Variants in TMC1 observed in about 807,000 individuals in gnomAD.
The protein encoded by TMC1 is transmembrane channel like 1, also known as transmembrane channel-like protein 1.
Under a neutral mutation model 105.8 loss-of-function variants are expected in TMC1, and 84 were observed. The observed-to-expected ratio is 0.79, with a 90% CI of 0.67 to 0.95. The LOEUF (loss-of-function observed/expected upper bound fraction) is 0.95, where lower values mean the gene tolerates loss of function less well. Among genes scored for constraint, TMC1 ranks in the 40% least tolerant of loss-of-function variants. The probability of loss-of-function intolerance (pLI) is 0.00; values close to 1 mark genes in which losing one functional copy is unlikely to be tolerated. For missense variants in TMC1, 817 were observed against 914.1 expected, an observed-to-expected ratio of 0.89 and a Z score of 1.37; for synonymous variants, 315 against 311.5, an observed-to-expected ratio of 1.01 and a Z score of -0.12.
At position 72,827,381 on chromosome 9, in the gene TMC1, A is replaced by G. The variant is rs1262848612; in HGVS notation, c.2129+387A>G. ...AAAGCAGATGGCAATGAATATACAG[A>G]AATAATGATCCTCTAAGTTAATATT... On this transcript the variant is annotated intron_variant, in intron 21 of 23. Transcript: ENST00000297784. Among the ~76,000 whole-genome samples the G allele has an allele frequency of 2.0e-5, 3 of 152,240 alleles. No homozygotes were observed. In the East Asian group the frequency reaches 5.8e-4, roughly 29 times the overall value.
chr9:72,535,791 C>G (rs1342356364), intron 1 of TMC1, among the ~76,000 whole-genome samples: 4 of 152,176 alleles, frequency 2.6e-5, no homozygotes, highest in Non-Finnish European at 5.9e-5. Flanking sequence ...GTGTGGAAAT[C>G]ATAGGGCAAG....
chr9:72,544,109 C>G (rs970637706), intron 1 of TMC1, among the ~76,000 whole-genome samples: 2 of 151,932 alleles, frequency 1.3e-5, no homozygotes, highest in Non-Finnish European at 2.9e-5. Context: ...TGCCACCACA[C>G]CTCAATAATT....
chr9:72,795,138 C>T (rs1462292581), intron 17 of TMC1, among the ~76,000 whole-genome samples: 1 of 152,086 alleles, frequency 6.6e-6, no homozygotes, highest in African/African-American at 2.4e-5. Context: ...ATGTAAATGC[C>T]AAAGCTATGA....
chr9:72,549,222 A>G (rs5025944), intron 1 of TMC1, among the ~76,000 whole-genome samples: 79,649 of 151,968 alleles, frequency 0.52, 21,817 homozygotes, highest in African/African-American at 0.69. Flanking sequence ...ATTATATTTC[A>G]TTAAATAATT....
chr9:72,548,718 G>T (rs1823812426), intron 1 of TMC1, among the ~76,000 whole-genome samples: 1 of 152,140 alleles, frequency 6.6e-6, no homozygotes, highest in Non-Finnish European at 1.5e-5. Flanking sequence ...TGCTGCAGTG[G>T]CTCACGCCTG....
chr9:72,593,978 C>T (rs368132183), intron 2 of TMC1, among the ~76,000 whole-genome samples: 6 of 152,000 alleles, frequency 3.9e-5, no homozygotes, highest in East Asian at 1.9e-4. Flanking sequence ...GCATCTATGA[C>T]GGGGAGAGGT....
At chr9:72,590,727 A>G (rs922708578) in intron 2 of TMC1, among the ~76,000 whole-genome samples, 1 of 152,186 alleles carries the variant, frequency 6.6e-6, no homozygotes, top group Non-Finnish European at 1.5e-5. Context: ...ATGAGTCACA[A>G]AGGGGAGGTA....
chr9:72,734,601 T>C lies in TMC1; in HGVS notation c.363-5518T>C, dbSNP rs1404218914. ...GTACCTTCGAGTAGCTTCTTACCTCTGTAACTCACTCCCACAGTAATATTT... is the reference window on the plus strand; with the variant it reads ...GTACCTTCGAGTAGCTTCTTACCTCCGTAACTCACTCCCACAGTAATATTT... On this transcript the variant is annotated intron_variant, in intron 8 of 23. Coordinates refer to ENST00000297784, the MANE Select transcript of TMC1 (RefSeq NM_138691.3). Among the ~76,000 whole-genome samples, 3 of 152,198 alleles carry C rather than the reference T, an allele frequency of 2.0e-5. No individual in the cohort carries two copies. The East Asian group carries it at 5.8e-4, about 29-fold the overall frequency.
intron 1 of TMC1, among the ~76,000 whole-genome samples, chr9:72,557,756 T>G (rs754770490): frequency 1.3e-5 from 2 of 152,158 alleles, no homozygotes; most frequent in Non-Finnish European, 2.9e-5. Flanking sequence ...ATTCAAGATT[T>G]TCACTGAGTC....
intron 1 of TMC1, among the ~76,000 whole-genome samples, chr9:72,577,377 G>C (rs80238591): frequency 0.084 from 12,743 of 152,218 alleles, 696 homozygotes; most frequent in Non-Finnish European, 0.13. Flanking sequence ...GGGACGGGTG[G>C]AGCAAAGGAA....
chr9:72,665,434 A>G (rs967164487), intron 5 of TMC1, among the ~76,000 whole-genome samples: 4 of 152,256 alleles, frequency 2.6e-5, no homozygotes, highest in Admixed American at 1.3e-4. Flanking sequence ...ACTCAAAGCC[A>G]TAACTTAAGG....
At chr9:72,749,194 T>A (rs1827539074) in intron 10 of TMC1, among the ~76,000 whole-genome samples, 3 of 152,158 alleles carry the variant, frequency 2.0e-5, no homozygotes, top group African/African-American at 7.2e-5. Context: ...TGTGTGTAGG[T>A]GCTGAGAGGA....
At chr9:72,688,844 A>G in intron 6 of TMC1, 88 bp downstream of exon 6, 1 of 1,114,324 alleles carries the variant, frequency 9.0e-7, no homozygotes, top group Non-Finnish European at 1.3e-6. Context: ...TTGAGCTACC[A>G]TATGTAAGCA....
At chr9:72,807,339 A>G (rs1010902857) in intron 18 of TMC1, among the ~76,000 whole-genome samples, 2 of 152,248 alleles carry the variant, frequency 1.3e-5, no homozygotes, top group African/African-American at 4.8e-5. Flanking sequence ...CACACACTAT[A>G]TAAGAGAAAG....
chr9:72,534,545 A>G (rs1823547358), intron 1 of TMC1, among the ~76,000 whole-genome samples: 2 of 152,230 alleles, frequency 1.3e-5, no homozygotes, highest in Non-Finnish European at 2.9e-5. Context: ...TGTAGATTAT[A>G]TAACTTCTAA....
chr9:72,555,628 T>G (rs1174076618), intron 1 of TMC1, among the ~76,000 whole-genome samples: 1 of 151,662 alleles, frequency 6.6e-6, no homozygotes, highest in African/African-American at 2.4e-5. Context: ...TGGACTTAAC[T>G]CTTTTTTTTT....
At chr9:72,747,017 A>G (rs910375883) in intron 10 of TMC1, among the ~76,000 whole-genome samples, 7 of 152,214 alleles carry the variant, frequency 4.6e-5, no homozygotes, top group Non-Finnish European at 1.0e-4. Context: ...TATTAAGACC[A>G]TAAATTAAAT....
At chr9:72,590,891 C>G (rs1011868268) in intron 2 of TMC1, among the ~76,000 whole-genome samples, 1 of 152,190 alleles carries the variant, frequency 6.6e-6, no homozygotes, top group Non-Finnish European at 1.5e-5. Flanking sequence ...GGCCCTACCC[C>G]ACTCTTACCT....
chr9:72,676,370 C>T (rs1826202225), intron 5 of TMC1, among the ~76,000 whole-genome samples: 1 of 152,046 alleles, frequency 6.6e-6, no homozygotes, highest in Non-Finnish European at 1.5e-5. Context: ...ATTAAAGATG[C>T]CAAAAATTTG....
Sources: gnomAD v4.1 joint callset for allele counts (sites outside exome capture counted in the v4.1 genomes callset) on GRCh38, gnomAD v4.1.1 for gene constraint, MANE v1.5 for transcripts, NCBI Gene and HGNC (gene_info 2026-07-23, HGNC 2026-07-21) for gene names.